RARB: variants seen among roughly 807,000 people sequenced by gnomAD.
RARB encodes retinoic acid receptor beta.
RARB carries 17 observed loss-of-function variants against 51.9 expected under a neutral mutation model. The observed-to-expected ratio is 0.33, with a 90% CI of 0.22 to 0.49. The LOEUF (loss-of-function observed/expected upper bound fraction) is 0.49, where lower values mean the gene tolerates loss of function less well. RARB is among the 20% of genes least tolerant of loss of function. RARB has a pLI of 0.99. For synonymous variants in RARB, 215 were observed against 195.4 expected, an observed-to-expected ratio of 1.10 and a Z score of -0.84; for missense variants, 369 against 550.8, an observed-to-expected ratio of 0.67 and a Z score of 3.30.
chr3:24,942,488 T>TG (rs1432059259), intron 2 of RARB, among the ~76,000 whole-genome samples: 9 of 152,188 alleles, frequency 5.9e-5, no homozygotes, highest in African/African-American at 1.9e-4. Context: ...GATGGCTAAC[T>TG]AACCATGAAG....
At chr3:25,174,652 A>G in intron 5 of RARB, 5 of 1,241,676 alleles carry the variant, frequency 4.0e-6, no homozygotes, top group Non-Finnish European at 5.3e-6. Context: ...AATGGTTGGT[A>G]TCCAGGGCAA....
Position 25,397,661 on chromosome 3 carries a change from C to A in RARB, c.179-63532C>A, listed in dbSNP as rs115162843. 7.2e-3 allele frequency among the ~76,000 whole-genome samples: 1,102 copies of A among 152,228 alleles called. 6 individuals are homozygous for A. Among genetic ancestry groups the A allele is most frequent in the South Asian group, 0.029 (138 of 4,820 alleles). On this transcript the variant is annotated intron_variant, in intron 5 of 11. Transcript: ENST00000383772. The stretch of plus-strand genomic sequence containing the variant: ...AATTTATTTAAAAAGTATTGAGTAT[C>A]CCTTCTGTTCCAAGCATACATATAT...
intron 2 of RARB, among the ~76,000 whole-genome samples, chr3:24,947,316 C>G (rs1325910576): frequency 6.6e-6 from 1 of 152,180 alleles, no homozygotes; most frequent in Non-Finnish European, 1.5e-5. Flanking sequence ...TCTCTGTTTA[C>G]CAATCCTATC....
At chr3:25,511,514 C>T (rs1697896177) in intron 3 of RARB, among the ~76,000 whole-genome samples, 3 of 152,058 alleles carry the variant, frequency 2.0e-5, no homozygotes, top group Admixed American at 1.3e-4. Context: ...CAAACATTTC[C>T]TCTAAATTTT....
intron 5 of RARB, chr3:25,258,949 C>A: frequency 1.3e-6 from 1 of 785,398 alleles, no homozygotes; most frequent in Non-Finnish European, 1.5e-6. Flanking sequence ...ACTTTCAACA[C>A]CACCACACTG....
intron 5 of RARB, among the ~76,000 whole-genome samples, chr3:25,412,739 G>GC (rs1231517893): frequency 6.6e-6 from 1 of 152,192 alleles, no homozygotes; most frequent in Non-Finnish European, 1.5e-5. Context: ...ATGACCATGG[G>GC]CCGGGGGCAG....
chr3:25,450,602 G>C (rs2125541342), intron 1 of RARB, among the ~76,000 whole-genome samples: 1 of 152,214 alleles, frequency 6.6e-6, no homozygotes, highest in East Asian at 1.9e-4. Context: ...TTCAACCTCA[G>C]CACTATCTAT....
At chr3:24,906,308 G>T (rs978155617) in intron 2 of RARB, among the ~76,000 whole-genome samples, 3 of 152,142 alleles carry the variant, frequency 2.0e-5, no homozygotes, top group African/African-American at 7.2e-5. Context: ...AGAATGGATG[G>T]ATCTTAGTGT....
intron 5 of RARB, among the ~76,000 whole-genome samples, chr3:25,310,663 C>T (rs577260452): frequency 2.0e-5 from 3 of 152,256 alleles, no homozygotes; most frequent in East Asian, 1.9e-4. Context: ...TCATCTACTG[C>T]GTGACTATGG....
At chr3:25,280,786 T>G (rs757655055) in intron 5 of RARB, among the ~76,000 whole-genome samples, 1 of 152,192 alleles carries the variant, frequency 6.6e-6, no homozygotes, top group Non-Finnish European at 1.5e-5. Context: ...TGTGACTTGA[T>G]TTGCCATTTT....
intron 4 of RARB, among the ~76,000 whole-genome samples, chr3:25,163,175 A>G (rs941960991): frequency 6.6e-6 from 1 of 152,192 alleles, no homozygotes; most frequent in African/African-American, 2.4e-5. Flanking sequence ...TCTGGATTAA[A>G]TAAAATACAG....
intron 2 of RARB, among the ~76,000 whole-genome samples, chr3:25,048,843 C>T (rs1311891832): frequency 6.6e-6 from 1 of 151,070 alleles, no homozygotes. Flanking sequence ...GCAAGCTCCG[C>T]CTCCCGGGTT....
At chr3:25,400,541 A>G (rs1418817066) in intron 5 of RARB, among the ~76,000 whole-genome samples, 2 of 152,212 alleles carry the variant, frequency 1.3e-5, no homozygotes, top group Non-Finnish European at 2.9e-5. Context: ...TCAAAGATTT[A>G]TTGGGAGTCT....
intron 1 of RARB, among the ~76,000 whole-genome samples, chr3:24,850,073 C>T (rs1187170066): frequency 1.3e-5 from 2 of 152,210 alleles, no homozygotes; most frequent in Non-Finnish European, 2.9e-5. Context: ...TGTGTCCTTA[C>T]CTGGAAGAAG....
intron 3 of RARB, among the ~76,000 whole-genome samples, chr3:25,569,392 A>G (rs142184866): frequency 1.3e-5 from 2 of 152,336 alleles, no homozygotes; most frequent in Admixed American, 6.5e-5. Context: ...TTCCCTTACA[A>G]TGTCACTCAG....
rs1575369527 is a variant in RARB, at chr3:25,396,137, T to C, written c.179-65056T>C. ...TAGTGACTGTTATTTCTCTTCTGGGTCTAGCCACCCAGCAGAGCTACTGGG... is the reference window on the plus strand; with the variant it reads ...TAGTGACTGTTATTTCTCTTCTGGGCCTAGCCACCCAGCAGAGCTACTGGG... On this transcript the variant is annotated intron_variant, in intron 5 of 11. Coordinates refer to the RARB transcript ENST00000383772. Among the ~76,000 whole-genome samples, 3 of 152,206 alleles carry C rather than the reference T, an allele frequency of 2.0e-5. No homozygotes were observed. The South Asian group carries it at 6.2e-4, about 32-fold the overall frequency.
chr3:24,830,036 G>T (rs1188052736), intron 1 of RARB, among the ~76,000 whole-genome samples: 1 of 152,194 alleles, frequency 6.6e-6, no homozygotes, highest in Non-Finnish European at 1.5e-5. Context: ...GCGCCAGGCT[G>T]CACATGGCAG....
At chr3:25,021,952 G>A (rs1236082878) in intron 2 of RARB, among the ~76,000 whole-genome samples, 1 of 152,278 alleles carries the variant, frequency 6.6e-6, no homozygotes, top group South Asian at 2.1e-4. Flanking sequence ...GCACCAAGTA[G>A]TAATGATTAT....
At chr3:25,353,874 G>A (rs759291944) in intron 5 of RARB, among the ~76,000 whole-genome samples, 3 of 152,092 alleles carry the variant, frequency 2.0e-5, no homozygotes, top group African/African-American at 7.2e-5. Context: ...TTTAGGGCCT[G>A]AATATATGAA....
Sources: gnomAD v4.1 joint callset for allele counts (sites outside exome capture counted in the v4.1 genomes callset) on GRCh38, gnomAD v4.1.1 for gene constraint, MANE v1.5 for transcripts, NCBI Gene and HGNC (gene_info 2026-07-23, HGNC 2026-07-21) for gene names.